Variants in SUMF1 observed in about 807,000 individuals in gnomAD.
The protein encoded by SUMF1 is sulfatase modifying factor 1.
A neutral mutation model predicts 47.6 loss-of-function variants in SUMF1; 48 were observed. That is an observed-to-expected ratio of 1.01 (90% CI 0.80 to 1.28). The LOEUF (loss-of-function observed/expected upper bound fraction) is 1.28, where lower values mean the gene tolerates loss of function less well. SUMF1 is among the 50% of genes most tolerant of loss of function. The probability of loss-of-function intolerance (pLI) is 0.00; values close to 1 mark genes in which losing one functional copy is unlikely to be tolerated. For synonymous variants in SUMF1, 230 were observed against 192.1 expected (o/e 1.20, Z -1.63); for missense variants, 571 against 485.4 (o/e 1.18, Z -1.66).
rs543719232 is a variant in SUMF1, at chr3:4,106,308, C to T, written c.1015-37563G>A. Among the ~76,000 whole-genome samples the T allele has an allele frequency of 7.6e-4, 116 of 152,088 alleles. 3 individuals are homozygous for T. The highest frequency in any genetic ancestry group is 2.3e-3 in the African/African-American group (96 of 41,478). ...AAGATAAAATGAAGATAAAGATATC[C>T]GTTTGTAGTGATATTTCTACTTCTT... is the stretch of plus-strand genomic sequence containing the variant. On this transcript the variant is annotated intron_variant and NMD_transcript_variant, in intron 8 of 12. Transcript: ENST00000448413.
intron 8 of SUMF1, among the ~76,000 whole-genome samples, chr3:4,326,521 G>GGTTTTTTTTTTT (rs959839159): frequency 6.6e-5 from 6 of 90,528 alleles, no homozygotes; most frequent in African/African-American, 4.2e-4. Context: ...TTTTTCCAAG[G>GGTTTTTTTTTTT]GTTTTTTTTT....
intron 8 of SUMF1, among the ~76,000 whole-genome samples, chr3:4,210,339 A>C (rs1240567004): frequency 6.6e-6 from 1 of 152,194 alleles, no homozygotes; most frequent in Non-Finnish European, 1.5e-5. Context: ...AGCCAATACA[A>C]TCTTGAAAAA....
intron 8 of SUMF1, among the ~76,000 whole-genome samples, chr3:4,291,644 G>C (rs1697745589): frequency 6.6e-6 from 1 of 152,096 alleles, no homozygotes; most frequent in Non-Finnish European, 1.5e-5. Flanking sequence ...TGTTTGATTG[G>C]TCCTTGGCAG....
intron 8 of SUMF1, among the ~76,000 whole-genome samples, chr3:4,371,012 T>C (rs113510480): frequency 5.9e-5 from 9 of 152,182 alleles, no homozygotes; most frequent in African/African-American, 2.2e-4. Flanking sequence ...GGCCATCACT[T>C]GAGAAAACAG....
chr3:4,253,947 C>G (rs1575023435), intron 8 of SUMF1, among the ~76,000 whole-genome samples: 1 of 149,886 alleles, frequency 6.7e-6, no homozygotes, highest in East Asian at 2.0e-4. Context: ...TCAAGTGGGT[C>G]CCTGACCCCT....
intron 8 of SUMF1, among the ~76,000 whole-genome samples, chr3:4,099,665 G>T (rs977428368): frequency 2.0e-5 from 3 of 151,908 alleles, no homozygotes; most frequent in African/African-American, 7.3e-5. Flanking sequence ...AATATGAATT[G>T]AAATTGTCTG....
intron 8 of SUMF1, among the ~76,000 whole-genome samples, chr3:4,261,779 C>A (rs868057344): frequency 6.6e-6 from 1 of 152,182 alleles, no homozygotes; most frequent in Non-Finnish European, 1.5e-5. Context: ...AGCATCAGTG[C>A]CACGTACAGA....
rs75279369 is a variant in SUMF1, at chr3:4,106,312, T to C, written c.1015-37567A>G. Among the ~76,000 whole-genome samples the C allele has an allele frequency of 9.6e-3, 1,457 of 152,242 alleles. 34 individuals are homozygous for C. Among genetic ancestry groups the C allele is most frequent in the African/African-American group, 0.033 (1,375 of 41,522 alleles). ...TAAAATGAAGATAAAGATATCCGTT[T>C]GTAGTGATATTTCTACTTCTTTTTT... On this transcript the variant is annotated intron_variant and NMD_transcript_variant, in intron 8 of 12. Coordinates refer to the SUMF1 transcript ENST00000448413.
intron 7 of SUMF1, among the ~76,000 whole-genome samples, chr3:4,400,722 C>T (rs1375815466): frequency 1.3e-5 from 2 of 152,158 alleles, no homozygotes; most frequent in East Asian, 3.8e-4. Context: ...CTTACTATTA[C>T]TCCATTTTAT....
Position 4,097,654 on chromosome 3 carries a change from T to C in SUMF1, c.1015-28909A>G, listed in dbSNP as rs530898185. On this transcript the variant is annotated intron_variant and NMD_transcript_variant, in intron 8 of 12. Coordinates refer to the SUMF1 transcript ENST00000448413. Reference sequence around the variant, plus strand: ...AACGCATGTGTTCTTCCTTTTAATATCAAGAAAGGTGATTTTCACCCCCAA... The same window carrying C: ...AACGCATGTGTTCTTCCTTTTAATACCAAGAAAGGTGATTTTCACCCCCAA... Among the ~76,000 whole-genome samples, 3 of 152,258 alleles carry C rather than the reference T, an allele frequency of 2.0e-5. No homozygotes were observed. In the South Asian group the frequency reaches 6.2e-4, roughly 32 times the overall value.
At chr3:4,159,973 T>C (rs1476384517) in intron 8 of SUMF1, among the ~76,000 whole-genome samples, 4 of 152,182 alleles carry the variant, frequency 2.6e-5, no homozygotes, top group African/African-American at 7.2e-5. Context: ...CTCTTGCTTA[T>C]TTTAGAATCC....
intron 8 of SUMF1, among the ~76,000 whole-genome samples, chr3:4,292,258 G>C (rs1418496543): frequency 6.6e-6 from 1 of 152,136 alleles, no homozygotes; most frequent in Non-Finnish European, 1.5e-5. Flanking sequence ...ATCATTTCTA[G>C]TTTAAAAATA....
chr3:4,131,339 G>A (rs1002809638), intron 8 of SUMF1, among the ~76,000 whole-genome samples: 1 of 152,142 alleles, frequency 6.6e-6, no homozygotes, highest in Non-Finnish European at 1.5e-5. Context: ...CTCTTCCCCA[G>A]CCTGCACCAA....
intron 8 of SUMF1, among the ~76,000 whole-genome samples, chr3:4,078,894 G>T (rs1479170025): frequency 1.3e-5 from 2 of 152,088 alleles, no homozygotes; most frequent in Admixed American, 6.6e-5. Context: ...ACAGAGCCAG[G>T]TAGTGTGGAT....
At chr3:4,218,737 T>C (rs1272961582) in intron 8 of SUMF1, among the ~76,000 whole-genome samples, 1 of 152,198 alleles carries the variant, frequency 6.6e-6, no homozygotes, top group Non-Finnish European at 1.5e-5. Context: ...GCAATGAGCA[T>C]AGTTTCCAAA....
chr3:4,167,702 C>T (rs1694740825), intron 8 of SUMF1, among the ~76,000 whole-genome samples: 1 of 152,176 alleles, frequency 6.6e-6, no homozygotes, highest in Non-Finnish European at 1.5e-5. Flanking sequence ...GCAGTGGCAA[C>T]TCAGACAATA....
At chr3:4,365,167 T>A (rs946265494) in intron 8 of SUMF1, among the ~76,000 whole-genome samples, 1 of 132,180 alleles carries the variant, frequency 7.6e-6, no homozygotes, top group African/African-American at 2.7e-5. Context: ...AGGTGTGGTG[T>A]GGTGCTGAAA....
intron 9 of SUMF1, among the ~76,000 whole-genome samples, chr3:4,065,127 C>T (rs1357917911): frequency 1.3e-5 from 2 of 152,172 alleles, no homozygotes; most frequent in Non-Finnish European, 2.9e-5. Context: ...CCTTGCCTCA[C>T]CATTTCCCTT....
chr3:4,125,321 T>G (rs1693632439), intron 8 of SUMF1, among the ~76,000 whole-genome samples: 1 of 152,140 alleles, frequency 6.6e-6, no homozygotes, highest in African/African-American at 2.4e-5. Flanking sequence ...TATAGAACAT[T>G]TCTGTAATCA....
Sources: allele counts gnomAD v4.1 joint callset (sites outside exome capture counted in the v4.1 genomes callset), GRCh38; gene constraint gnomAD v4.1.1; transcripts MANE v1.5; gene names NCBI Gene and HGNC (gene_info 2026-07-23, HGNC 2026-07-21).